CDH12: variants seen among roughly 807,000 people sequenced by gnomAD.
CDH12 encodes the protein cadherin-12.
Under a neutral mutation model 74.1 loss-of-function variants are expected in CDH12, and 41 were observed. The observed-to-expected ratio is 0.55, with a 90% CI of 0.43 to 0.72. CDH12 has a LOEUF of 0.72. CDH12 is among the 30% of genes least tolerant of loss of function. CDH12 has a pLI of 0.00. For missense variants in CDH12, 945 were observed against 977.2 expected (o/e 0.97, Z 0.44); for synonymous variants, 399 against 355.0 (o/e 1.12, Z -1.39).
At chr5:22,530,139 A>G (rs1293927740) in intron 1 of CDH12, among the ~76,000 whole-genome samples, 2 of 152,208 alleles carry the variant, frequency 1.3e-5, no homozygotes, top group Non-Finnish European at 2.9e-5. Flanking sequence ...AATTCAAACC[A>G]TCAAAGAGTA....
chr5:22,215,344 A>G (rs1221288561), intron 3 of CDH12, among the ~76,000 whole-genome samples: 1 of 152,160 alleles, frequency 6.6e-6, no homozygotes, highest in African/African-American at 2.4e-5. Context: ...ATGATTAACA[A>G]AAATCATTTT....
At chr5:21,798,594 GC>G (rs1310247434) in intron 10 of CDH12, among the ~76,000 whole-genome samples, 2 of 152,034 alleles carry the variant, frequency 1.3e-5, no homozygotes, top group Non-Finnish European at 2.9e-5. Context: ...ATATGGATAG[GC>G]TTTGTGGGGG....
chr5:22,302,898 G>T (rs1737951837), intron 3 of CDH12, among the ~76,000 whole-genome samples: 1 of 152,008 alleles, frequency 6.6e-6, no homozygotes. Context: ...GAGACTGTTG[G>T]CTAACTTAAA....
At chr5:22,224,846 A>T (rs1015493859) in intron 3 of CDH12, among the ~76,000 whole-genome samples, 2 of 151,830 alleles carry the variant, frequency 1.3e-5, no homozygotes, top group Non-Finnish European at 2.9e-5. Context: ...AACAAACTTA[A>T]AATATTTTAT....
chr5:22,682,344 CTT>C (rs1453058356), intron 1 of CDH12, among the ~76,000 whole-genome samples: 3 of 152,120 alleles, frequency 2.0e-5, no homozygotes, highest in South Asian at 2.1e-4. Flanking sequence ...GCTAGTAAAA[CTT>C]TTAAAAAGCA....
At chr5:22,208,811 T>C (rs1206603708) in intron 4 of CDH12, among the ~76,000 whole-genome samples, 1 of 152,202 alleles carries the variant, frequency 6.6e-6, no homozygotes, top group African/African-American at 2.4e-5. Flanking sequence ...CATTACAAGC[T>C]CTTCTACAAT....
chr5:22,335,994 T>G (rs1011567623), intron 3 of CDH12, among the ~76,000 whole-genome samples: 3 of 152,088 alleles, frequency 2.0e-5, no homozygotes, highest in African/African-American at 7.2e-5. Context: ...ACCAAAAGCC[T>G]GACAGCAACA....
chr5:22,455,044 T>C (rs992614818), intron 2 of CDH12, among the ~76,000 whole-genome samples: 14 of 152,162 alleles, frequency 9.2e-5, no homozygotes, highest in Non-Finnish European at 2.1e-4. Flanking sequence ...AGAGTGAGGA[T>C]ATGGAAACTT....
intron 3 of CDH12, among the ~76,000 whole-genome samples, chr5:22,239,673 G>A (rs2150379998): frequency 6.6e-6 from 1 of 152,166 alleles, no homozygotes; most frequent in South Asian, 2.1e-4. Context: ...ACGGTGTTGA[G>A]GAAATTAAAC....
intron 1 of CDH12, among the ~76,000 whole-genome samples, chr5:22,554,816 G>A (rs1364389466): frequency 6.6e-6 from 1 of 151,856 alleles, no homozygotes; most frequent in African/African-American, 2.4e-5. Context: ...ATTTACCATT[G>A]ATAAGAAATA....
At chr5:21,792,384 A>G (rs1746547489) in intron 10 of CDH12, among the ~76,000 whole-genome samples, 1 of 151,742 alleles carries the variant, frequency 6.6e-6, no homozygotes, top group African/African-American at 2.4e-5. Context: ...GATGGTTTCT[A>G]TTGCTTGTTT....
At chr5:22,244,005 T>G (rs7446451) in intron 3 of CDH12, among the ~76,000 whole-genome samples, 145,560 of 152,182 alleles carry the variant, frequency 0.96, 69,751 homozygotes, top group East Asian at 1. Context: ...GAGTCTTGTG[T>G]TAGTCACTTT....
In CDH12 at chr5:22,678,257, A is replaced by G. The variant is rs544521160; in HGVS notation, c.-522-172893T>C. Among the ~76,000 whole-genome samples the G allele has an allele frequency of 1.5e-4, 23 of 152,122 alleles. 1 individual carries two copies. Among genetic ancestry groups the G allele is most frequent in the Admixed American group, 5.2e-4 (8 of 15,258 alleles). ...CTAAACTCTTAGTGTGCACAGGAGC[A>G]TGTTCTATACACACAATTTTTCTTT... is the stretch of plus-strand genomic sequence containing the variant. On this transcript the variant is annotated intron_variant, in intron 1 of 14. Transcript: ENST00000382254.
intron 1 of CDH12, among the ~76,000 whole-genome samples, chr5:22,588,937 C>T (rs1740544808): frequency 2.0e-5 from 3 of 152,160 alleles, no homozygotes; most frequent in South Asian, 4.1e-4. Context: ...GCTATAACCA[C>T]GCCATTATAC....
At chr5:22,042,018 C>G (rs1739608010) in intron 5 of CDH12, among the ~76,000 whole-genome samples, 1 of 152,024 alleles carries the variant, frequency 6.6e-6, no homozygotes, top group African/African-American at 2.4e-5. Context: ...AGAAACCACA[C>G]CAATACACAG....
chr5:21,837,728 A>G (rs1187902290), intron 8 of CDH12, among the ~76,000 whole-genome samples: 8 of 152,140 alleles, frequency 5.3e-5, no homozygotes, highest in African/African-American at 1.9e-4. Context: ...CCTCTAAAGG[A>G]TGTAATTCAA....
At chr5:22,354,786 A>G (rs138894861) in intron 3 of CDH12, among the ~76,000 whole-genome samples, 35 of 152,324 alleles carry the variant, frequency 2.3e-4, no homozygotes, top group South Asian at 2.1e-4. Flanking sequence ...AAACTCTTTT[A>G]TATCCCCATT....
chr5:22,827,149 C>G (rs1261353357), intron 1 of CDH12, among the ~76,000 whole-genome samples: 5 of 152,156 alleles, frequency 3.3e-5, no homozygotes, highest in African/African-American at 1.2e-4. Flanking sequence ...CCCAGCCCCT[C>G]CAGCCATGGC....
At chr5:22,521,672 A>C (rs1737057833) in intron 1 of CDH12, among the ~76,000 whole-genome samples, 1 of 152,138 alleles carries the variant, frequency 6.6e-6, no homozygotes, top group South Asian at 2.1e-4. Context: ...CCAGACACTA[A>C]ATATTTTAGG....
Sources: gnomAD v4.1 joint callset for allele counts (sites outside exome capture counted in the v4.1 genomes callset) on GRCh38, gnomAD v4.1.1 for gene constraint, MANE v1.5 for transcripts, NCBI Gene and HGNC (gene_info 2026-07-23, HGNC 2026-07-21) for gene names.